Variants in CACNB2 observed in about 807,000 individuals in gnomAD.
CACNB2 encodes the protein voltage-dependent L-type calcium channel subunit beta-2.
CACNB2 carries 42 observed loss-of-function variants against 73.3 expected under a neutral mutation model. The ratio of observed to expected loss-of-function variants is 0.57; its 90% CI spans 0.45 to 0.74. The LOEUF is 0.74. Among genes scored for constraint, CACNB2 ranks in the 30% least tolerant of loss-of-function variants. The pLI is 0.00. For missense variants in CACNB2, 940 were observed against 853.0 expected (o/e 1.10, Z -1.27); for synonymous variants, 348 against 310.3 (o/e 1.12, Z -1.28).
At chr10:18,511,989 T>G (rs1452144293) in intron 6 of CACNB2, among the ~76,000 whole-genome samples, 2 of 152,232 alleles carry the variant, frequency 1.3e-5, no homozygotes, top group Non-Finnish European at 2.9e-5. Flanking sequence ...GCCTTGAAGT[T>G]GATCTTTATT....
intron 2 of CACNB2, among the ~76,000 whole-genome samples, chr10:18,183,743 C>T (rs971993366): frequency 6.6e-6 from 1 of 152,176 alleles, no homozygotes; most frequent in African/African-American, 2.4e-5. Flanking sequence ...AAAGCCAAAC[C>T]GTATCAGCCA....
intron 2 of CACNB2, among the ~76,000 whole-genome samples, chr10:18,237,946 A>AT (rs1246647187): frequency 6.6e-6 from 1 of 152,150 alleles, no homozygotes; most frequent in Non-Finnish European, 1.5e-5. Context: ...TGGCTGAAGG[A>AT]TTGTAAAGGC....
chr10:18,516,227 A>G (rs200126989), intron 7 of CACNB2, among the ~76,000 whole-genome samples: 8 of 95,696 alleles, frequency 8.4e-5, no homozygotes, highest in East Asian at 3.4e-4. Context: ...CAAAAAAAAG[A>G]AAAAAAAAAT....
At chr10:18,208,682 G>C (rs891750201) in intron 2 of CACNB2, among the ~76,000 whole-genome samples, 1 of 151,732 alleles carries the variant, frequency 6.6e-6, no homozygotes, top group Admixed American at 6.6e-5. Flanking sequence ...CTTATTGCTT[G>C]TTCACCTTAT....
At chr10:18,178,943 C>T (rs1410274859) in intron 2 of CACNB2, among the ~76,000 whole-genome samples, 2 of 152,274 alleles carry the variant, frequency 1.3e-5, no homozygotes, top group East Asian at 3.9e-4. Flanking sequence ...ATAGCTGAAA[C>T]ATAGAGCAGA....
At chr10:18,186,376 G>T (rs541952471) in intron 2 of CACNB2, among the ~76,000 whole-genome samples, 54 of 151,990 alleles carry the variant, frequency 3.6e-4, no homozygotes, top group African/African-American at 1.3e-3. Context: ...CTGAGATCAT[G>T]CTGTTGCACT....
intron 2 of CACNB2, among the ~76,000 whole-genome samples, chr10:18,295,946 T>C (rs1163552864): frequency 4.6e-5 from 7 of 151,926 alleles, no homozygotes; most frequent in Non-Finnish European, 1.0e-4. Context: ...TGAATGTTAT[T>C]TCCATGTAGA....
At chr10:18,218,701 C>T (rs1426532022) in intron 2 of CACNB2, among the ~76,000 whole-genome samples, 1 of 151,982 alleles carries the variant, frequency 6.6e-6, no homozygotes, top group South Asian at 2.1e-4. Context: ...AACCCCGTCT[C>T]TACTAAAAGT....
chr10:18,351,797 T>C (rs2041717324), intron 2 of CACNB2, among the ~76,000 whole-genome samples: 2 of 152,230 alleles, frequency 1.3e-5, no homozygotes, highest in African/African-American at 4.8e-5. Context: ...GCTTTCAAAG[T>C]TAGAGAAAGT....
At chr10:18,371,918 C>G (rs2042600978) in intron 2 of CACNB2, among the ~76,000 whole-genome samples, 1 of 152,158 alleles carries the variant, frequency 6.6e-6, no homozygotes, top group South Asian at 2.1e-4. Context: ...GATGGTATCT[C>G]ATTGTGGTTT....
At chr10:18,228,925 A>G (rs1245083664) in intron 2 of CACNB2, among the ~76,000 whole-genome samples, 1 of 152,052 alleles carries the variant, frequency 6.6e-6, no homozygotes, top group Admixed American at 6.6e-5. Context: ...TATTTTTAGT[A>G]GAGATGGGGT....
chr10:18,250,146 A>T (rs2037031092), intron 2 of CACNB2, among the ~76,000 whole-genome samples: 1 of 152,134 alleles, frequency 6.6e-6, no homozygotes, highest in African/African-American at 2.4e-5. Context: ...TATCTGAACT[A>T]TTGCAATAGT....
intron 2 of CACNB2, among the ~76,000 whole-genome samples, chr10:18,279,172 C>T (rs979756376): frequency 6.6e-6 from 1 of 152,174 alleles, no homozygotes; most frequent in East Asian, 1.9e-4. Context: ...ATTTGGCTGT[C>T]TTTCTGAAAG....
At chr10:18,265,639 A>G (rs1477999237) in intron 2 of CACNB2, among the ~76,000 whole-genome samples, 3 of 152,190 alleles carry the variant, frequency 2.0e-5, no homozygotes, top group Non-Finnish European at 2.9e-5. Flanking sequence ...TTGAATTTTG[A>G]TATAATCATT....
rs192773514 is a variant in CACNB2 at position 18,442,630 on chromosome 10, T to G, written c.333+40587T>G. Among the ~76,000 whole-genome samples the G allele has an allele frequency of 4.7e-3, 716 of 151,144 alleles. 5 individuals are homozygous for G. Among genetic ancestry groups the G allele is most frequent in the African/African-American group, 9.3e-3 (385 of 41,300 alleles). On this transcript the variant is annotated intron_variant, in intron 3 of 13. Coordinates refer to ENST00000324631, the MANE Select transcript of CACNB2 (RefSeq NM_201596.3). ...TCACGAGGTCAAGATATCAAGACCATCCTGGCCAACATGATGAAACCCCGT... is the reference window on the plus strand; with the variant it reads ...TCACGAGGTCAAGATATCAAGACCAGCCTGGCCAACATGATGAAACCCCGT...
chr10:18,248,732 G>A (rs761844602), intron 2 of CACNB2, among the ~76,000 whole-genome samples: 48 of 152,090 alleles, frequency 3.2e-4, no homozygotes, highest in Non-Finnish European at 1.5e-4. Flanking sequence ...AACCAACATC[G>A]TTTGATAGCC....
chr10:18,411,821 A>T (rs74117989), intron 3 of CACNB2, among the ~76,000 whole-genome samples: 9,862 of 152,210 alleles, frequency 0.065, 838 homozygotes, highest in African/African-American at 0.18. Context: ...TTAAGCATGT[A>T]GAAATATATT....
intron 9 of CACNB2, chr10:18,519,934 TTTGC>T (rs2051682495): frequency 8.9e-6 from 3 of 337,610 alleles, no homozygotes; most frequent in Non-Finnish European, 1.2e-5. Context: ...TTTGAAATAC[TTTGC>T]TTGGTTTCTG....
intron 2 of CACNB2, among the ~76,000 whole-genome samples, chr10:18,365,433 C>G (rs569186474): frequency 6.6e-6 from 1 of 152,304 alleles, no homozygotes; most frequent in Non-Finnish European, 1.5e-5. Flanking sequence ...GATTTGGACT[C>G]TTACATTCAG....
Sources: allele counts gnomAD v4.1 joint callset (sites outside exome capture counted in the v4.1 genomes callset), GRCh38; gene constraint gnomAD v4.1.1; transcripts MANE v1.5; gene names NCBI Gene and HGNC (gene_info 2026-07-23, HGNC 2026-07-21).